The following TFEC variants were observed in gnomAD, a reference collection of about 807,000 sequenced individuals.
TFEC encodes transcription factor EC.
TFEC carries 31 observed loss-of-function variants against 41.6 expected under a neutral mutation model. The observed-to-expected ratio is 0.74, with a 90% CI of 0.56 to 1.01. The LOEUF (loss-of-function observed/expected upper bound fraction) is 1.01, where lower values mean the gene tolerates loss of function less well. Ranked by LOEUF, TFEC falls within the 50% of genes least tolerant of loss-of-function variation. The pLI is 0.00. For missense variants in TFEC, 402 were observed against 404.1 expected, an observed-to-expected ratio of 0.99 and a Z score of 0.04; for synonymous variants, 143 against 140.6, an observed-to-expected ratio of 1.02 and a Z score of -0.12.
chr7:116,127,157 G>A (rs554374938), intron 1 of TFEC, among the ~76,000 whole-genome samples: 3 of 151,708 alleles, frequency 2.0e-5, no homozygotes, highest in Admixed American at 6.6e-5. Context: ...GTGCAGTGGC[G>A]CGATCTCGGT....
intron 1 of TFEC, among the ~76,000 whole-genome samples, chr7:115,992,498 G>T (rs1794167472): frequency 6.6e-6 from 1 of 152,074 alleles, no homozygotes; most frequent in Non-Finnish European, 1.5e-5. Flanking sequence ...GAATCAAATA[G>T]ATGCAATAAA....
At position 115,999,046 on chromosome 7, in the gene TFEC, C is replaced by T. The variant is rs181495207; in HGVS notation, c.-72-14533G>A. On this transcript the variant is annotated intron_variant, in intron 1 of 7. Transcript: ENST00000265440. ...ACAATATACACATTCTTCTTCTCAA[C>T]ACATTGATCATTCTCAAGGAGAGAC... Among the ~76,000 whole-genome samples, 7 of 152,096 alleles carry T rather than the reference C, an allele frequency of 4.6e-5. No homozygotes were observed. In the East Asian group the frequency reaches 1.4e-3, roughly 29 times the overall value.
chr7:116,086,193 C>T (rs953465612), intron 3 of TFEC, among the ~76,000 whole-genome samples: 6 of 151,756 alleles, frequency 4.0e-5, no homozygotes, highest in East Asian at 1.9e-4. Context: ...TTTACATATT[C>T]GAAATAAAGA....
At chr7:116,146,828 T>C (rs933849333) in intron 1 of TFEC, among the ~76,000 whole-genome samples, 3 of 152,162 alleles carry the variant, frequency 2.0e-5, no homozygotes, top group Non-Finnish European at 4.4e-5. Context: ...AAAATGAGTT[T>C]ACCTGATATA....
At chr7:116,117,112 T>A (rs1006938062) in intron 1 of TFEC, among the ~76,000 whole-genome samples, 1 of 151,930 alleles carries the variant, frequency 6.6e-6, no homozygotes, top group East Asian at 1.9e-4. Flanking sequence ...ACAAATAAAT[T>A]AATTATGGTG....
At chr7:116,056,208 AG>A (rs1796426568) in intron 3 of TFEC, among the ~76,000 whole-genome samples, 1 of 151,938 alleles carries the variant, frequency 6.6e-6, no homozygotes, top group Non-Finnish European at 1.5e-5. Context: ...AAGAAAGAAA[AG>A]GTAAGCTCGA....
chr7:116,083,668 G>A (rs1028301320), intron 3 of TFEC, among the ~76,000 whole-genome samples: 6 of 151,870 alleles, frequency 4.0e-5, no homozygotes, highest in Non-Finnish European at 7.4e-5. Context: ...TCATTCAAAT[G>A]GGAAATATAC....
At chr7:116,042,827 A>C (rs1796072251) in intron 3 of TFEC, among the ~76,000 whole-genome samples, 1 of 152,166 alleles carries the variant, frequency 6.6e-6, no homozygotes, top group Non-Finnish European at 1.5e-5. Context: ...ATTGCTGAAT[A>C]AACGTCAAAA....
At chr7:116,014,413 A>AT (rs1795114356) in intron 1 of TFEC, among the ~76,000 whole-genome samples, 1 of 152,166 alleles carries the variant, frequency 6.6e-6, no homozygotes, top group African/African-American at 2.4e-5. Context: ...ATATATGGAA[A>AT]ATGTTTTACT....
intron 3 of TFEC, among the ~76,000 whole-genome samples, chr7:115,958,165 G>A (rs1293881025): frequency 1.3e-5 from 2 of 151,740 alleles, no homozygotes; most frequent in African/African-American, 2.4e-5. Flanking sequence ...CCACCTATTG[G>A]AGTCATCAGC....
At chr7:115,966,679 A>T (rs910547118) in intron 3 of TFEC, among the ~76,000 whole-genome samples, 14 of 151,832 alleles carry the variant, frequency 9.2e-5, no homozygotes, top group African/African-American at 3.4e-4. Context: ...CCCTATAGGT[A>T]GAAGGGCCTT....
chr7:116,115,593 G>A (rs1476911922), intron 1 of TFEC, among the ~76,000 whole-genome samples: 1 of 151,708 alleles, frequency 6.6e-6, no homozygotes, highest in Non-Finnish European at 1.5e-5. Context: ...GATTGCTTTG[G>A]GTTCACCAAA....
rs765463101 is a variant in TFEC at position 116,129,145 on chromosome 7, A to T, written c.-68-17107T>A. ...TACTATCATTGGAGATTTGGAAGAA[A>T]TCCCATTTGGCAATATTTATTTATT... On this transcript the variant is annotated intron_variant, in intron 1 of 8. Coordinates refer to the TFEC transcript ENST00000484212. Among the ~76,000 whole-genome samples the T allele has an allele frequency of 3.3e-4, 51 of 152,290 alleles. 1 individual carries two copies. Among genetic ancestry groups the T allele is most frequent in the South Asian group, 1.7e-3 (8 of 4,830 alleles).
At chr7:115,959,704 AT>A (rs1367252479) in intron 3 of TFEC, among the ~76,000 whole-genome samples, 1 of 151,622 alleles carries the variant, frequency 6.6e-6, no homozygotes, top group Non-Finnish European at 1.5e-5. Context: ...TAGAAAAAAA[AT>A]CCTATAGAAT....
intron 3 of TFEC, among the ~76,000 whole-genome samples, chr7:115,973,450 T>C (rs1793227322): frequency 6.6e-6 from 1 of 152,000 alleles, no homozygotes; most frequent in Admixed American, 6.6e-5. Context: ...TTTCTCCTGT[T>C]CTCTAAAAGA....
chr7:116,153,895 G>T (rs1038159330), intron 1 of TFEC, among the ~76,000 whole-genome samples: 2 of 152,104 alleles, frequency 1.3e-5, no homozygotes, highest in Non-Finnish European at 2.9e-5. Context: ...AACTTCAAGT[G>T]GCCTGATAAC....
intron 1 of TFEC, among the ~76,000 whole-genome samples, chr7:116,004,885 G>A (rs1346812380): frequency 1.3e-5 from 2 of 152,112 alleles, no homozygotes; most frequent in Non-Finnish European, 2.9e-5. Flanking sequence ...CACTTCGTGG[G>A]AGGGACCTGG....
At chr7:116,028,066 G>A (rs1795652730) in intron 1 of TFEC, among the ~76,000 whole-genome samples, 1 of 152,148 alleles carries the variant, frequency 6.6e-6, no homozygotes, top group African/African-American at 2.4e-5. Context: ...CTGGTCACCT[G>A]AGGAGATTCT....
intron 3 of TFEC, among the ~76,000 whole-genome samples, chr7:116,061,667 GACT>G (rs1371890297): frequency 2.4e-5 from 3 of 123,472 alleles, no homozygotes; most frequent in South Asian, 2.6e-4. Flanking sequence ...GAAAAGATAA[GACT>G]ACGAGACTAA....
Sources: gnomAD v4.1 joint callset for allele counts (sites outside exome capture counted in the v4.1 genomes callset) on GRCh38, gnomAD v4.1.1 for gene constraint, MANE v1.5 for transcripts, NCBI Gene and HGNC (gene_info 2026-07-23, HGNC 2026-07-21) for gene names.